The following FAM50B variants were observed in gnomAD, a reference collection of about 807,000 sequenced individuals.
FAM50B encodes the protein protein FAM50B.
A neutral mutation model predicts 25.4 loss-of-function variants in FAM50B; 9 were observed. The ratio of observed to expected loss-of-function variants is 0.35; its 90% confidence interval spans 0.21 to 0.62. The LOEUF is 0.62. Ranked by LOEUF, FAM50B falls within the 20% of genes least tolerant of loss-of-function variation. The pLI is 0.73. For missense variants in FAM50B, 372 were observed against 477.9 expected (o/e 0.78, Z 2.07); for synonymous variants, 212 against 204.3 (o/e 1.04, Z -0.32).
chr6:3,844,271 A>T, the FAM50B span, among the ~76,000 whole-genome samples: 1 of 152,202 alleles, frequency 6.6e-6, no homozygotes, highest in African/African-American at 2.4e-5. Context: ...TTGTGTATTT[A>T]ATCGGCATTT....
chr6:3,838,035 A>G, the FAM50B span, among the ~76,000 whole-genome samples: 1 of 152,236 alleles, frequency 6.6e-6, no homozygotes, highest in African/African-American at 2.4e-5. Context: ...GAACTCTCAT[A>G]TATTTCTGAG....
At position 3,850,409 on chromosome 6, in the gene FAM50B, A is replaced by G; in HGVS notation, c.598A>G (p.Thr200Ala). ...CTGGGACGGCTCGGGCCACCGGCGC[A>G]CGGTGCGGGTGCGCAAGGGCAACAC... ...SYWDGSGHRR[T>A]VRVRKGNTVQ... is the part of the protein sequence containing the mutation. The change falls in exon 2 of 2, where the codon ACG (threonine) becomes GCG (alanine). Residue 200 changes from threonine to alanine, a missense_variant. By Grantham distance (58) the Thr-to-Ala change is moderately conservative (BLOSUM62 0). This residue lies in a region of FAM50B where 224 missense variants were observed against 232.2 expected (regional missense o/e 0.96). Transcript: ENST00000648326. 1 of 1,613,376 alleles carries G rather than the reference A, an allele frequency of 6.2e-7. No individual in the cohort carries two copies. Among genetic ancestry groups the G allele is most frequent in the South Asian group, 1.1e-5 (1 of 91,074 alleles).
the FAM50B span, among the ~76,000 whole-genome samples, chr6:3,839,986 G>GTTTGT: frequency 6.1e-4 from 90 of 147,682 alleles, no homozygotes; most frequent in Non-Finnish European, 1.0e-3. Context: ...TGTTGTTGTT[G>GTTTGT]TTGTTTGTTT....
chr6:3,847,624 T>G (rs528765332), upstream of FAM50B, among the ~76,000 whole-genome samples: 12 of 152,388 alleles, frequency 7.9e-5, no homozygotes, highest in Admixed American at 4.6e-4. Flanking sequence ...TTTTGCTTTC[T>G]TATCATTCAT....
chr6:3,845,598 T>G (rs981877792), upstream of FAM50B, among the ~76,000 whole-genome samples: 2 of 152,192 alleles, frequency 1.3e-5, no homozygotes, highest in East Asian at 1.9e-4. Context: ...TGGGTGGTGA[T>G]GGTGATGGTG....
chr6:3,848,301 A>T (rs921965879), upstream of FAM50B, among the ~76,000 whole-genome samples: 3 of 152,008 alleles, frequency 2.0e-5, no homozygotes, highest in Non-Finnish European at 4.4e-5. Flanking sequence ...GCTTTAGATT[A>T]AAAAAAATGC....
At chr6:3,849,600 G>A (rs1439168575) in intron 1 of FAM50B, 114 bp downstream of exon 1, 3 of 826,698 alleles carry the variant, frequency 3.6e-6, no homozygotes, top group Non-Finnish European at 3.6e-6. Flanking sequence ...TGCATTTATT[G>A]AGGTCAAATA....
At chr6:3,840,481 C>CA in the FAM50B span, among the ~76,000 whole-genome samples, 21 of 151,828 alleles carry the variant, frequency 1.4e-4, no homozygotes, top group East Asian at 3.9e-4. Context: ...CTCAAAAAAA[C>CA]AAAAAAAACA....
chr6:3,846,712 TG>T (rs1474584322), upstream of FAM50B, among the ~76,000 whole-genome samples: 6 of 152,246 alleles, frequency 3.9e-5, no homozygotes, highest in African/African-American at 1.2e-4. Flanking sequence ...GCACCTACAG[TG>T]GTGAATGCCT....
At chr6:3,841,424 C>T in the FAM50B span, among the ~76,000 whole-genome samples, 1 of 152,124 alleles carries the variant, frequency 6.6e-6, no homozygotes, top group Non-Finnish European at 1.5e-5. Flanking sequence ...GTTCCCTGGG[C>T]AGGTAGTCAC....
At chr6:3,832,683 T>C in the FAM50B span, among the ~76,000 whole-genome samples, 1 of 152,132 alleles carries the variant, frequency 6.6e-6, no homozygotes, top group East Asian at 1.9e-4. Context: ...AGTTCTGAGA[T>C]ACACTCCGGA....
the FAM50B span, among the ~76,000 whole-genome samples, chr6:3,841,116 G>A: frequency 1.3e-5 from 2 of 152,218 alleles, no homozygotes; most frequent in South Asian, 2.1e-4. Flanking sequence ...ACGGTGGGCC[G>A]TAGGTCCGAC....
the FAM50B span, among the ~76,000 whole-genome samples, chr6:3,843,162 TG>T: frequency 6.6e-6 from 1 of 152,194 alleles, no homozygotes; most frequent in Non-Finnish European, 1.5e-5. Context: ...ATCTATCATA[TG>T]AAAAATTAAA....
At chr6:3,846,040 C>G (rs1173868382), upstream of FAM50B, among the ~76,000 whole-genome samples, 1 of 152,114 alleles carries the variant, frequency 6.6e-6, no homozygotes, top group African/African-American at 2.4e-5. Flanking sequence ...ATCTTCTATT[C>G]AGGCGCAGTG....
upstream of FAM50B, among the ~76,000 whole-genome samples, chr6:3,848,792 C>A (rs187304030): frequency 6.6e-6 from 1 of 152,154 alleles, no homozygotes; most frequent in Non-Finnish European, 1.5e-5. Context: ...GAGCTTAGAA[C>A]CCGGGGGAAA....
chr6:3,841,284 A>G, the FAM50B span, among the ~76,000 whole-genome samples: 2 of 152,222 alleles, frequency 1.3e-5, no homozygotes, highest in Non-Finnish European at 2.9e-5. Context: ...TGATAATGCA[A>G]TTCCCCTGGG....
chr6:3,851,035 C>T lies in FAM50B; in HGVS notation c.*246C>T, dbSNP rs906219223. ...TTGCTCTGCTGAGCTGTATTGAAAC[C>T]ATGACTGGGCCCACTGTCAGACAGA... On this transcript the variant is annotated 3_prime_UTR_variant, in exon 2 of 2. Coordinates refer to ENST00000648326, the MANE Select transcript of FAM50B (RefSeq NM_012135.3). The T allele has an allele frequency of 1.8e-6, 1 of 558,884 alleles. No homozygotes were observed. The allele number at this position is 558,884 out of a possible 1,614,324, so 34.6% of individuals were successfully genotyped here. A position where few individuals can be genotyped will look rare whatever the true frequency, so the allele number is the denominator to read the frequency against.
the FAM50B span, among the ~76,000 whole-genome samples, chr6:3,840,523 A>C: frequency 1.3e-5 from 2 of 152,156 alleles, no homozygotes; most frequent in African/African-American, 4.8e-5. Context: ...GAGTCACGGC[A>C]TGTAACAGAG....
At chr6:3,834,359 C>CAAAAAAAAAAAAAAAAAAAGAAA in the FAM50B span, among the ~76,000 whole-genome samples, 7 of 75,030 alleles carry the variant, frequency 9.3e-5, no homozygotes, top group African/African-American at 1.3e-4. Flanking sequence ...TGATATATGG[C>CAAAAAAAAAAAAAAAAAAAGAAA]AAAAAAAAAA....
Sources: allele counts gnomAD v4.1 joint callset (sites outside exome capture counted in the v4.1 genomes callset), GRCh38; gene constraint gnomAD v4.1.1; regional missense constraint gnomAD v4.1.1; transcripts MANE v1.5; gene names NCBI Gene and HGNC (gene_info 2026-07-23, HGNC 2026-07-21).